The following STK39 variants were observed in gnomAD, a reference collection of about 807,000 sequenced individuals.
STK39 encodes serine/threonine kinase 39, also known as STE20/SPS1-related proline-alanine-rich protein kinase.
Under a neutral mutation model 77.8 loss-of-function variants are expected in STK39, and 20 were observed. That is an observed-to-expected ratio of 0.26 (90% CI 0.18 to 0.37). The LOEUF is 0.37. Ranked by LOEUF, STK39 falls within the 10% of genes least tolerant of loss-of-function variation. The probability of loss-of-function intolerance (pLI) is 1.00; values close to 1 mark genes in which losing one functional copy is unlikely to be tolerated. For missense variants in STK39, 479 were observed against 656.5 expected (o/e 0.73, Z 2.95); for synonymous variants, 246 against 234.1 (o/e 1.05, Z -0.47).
chr2:168,194,352 A>T (rs913295103), intron 1 of STK39, among the ~76,000 whole-genome samples: 4 of 152,156 alleles, frequency 2.6e-5, no homozygotes, highest in South Asian at 2.1e-4. Context: ...CTTGGGTGGC[A>T]GAGGTTGCAG....
chr2:168,164,294 T>C (rs1688645310), intron 3 of STK39, among the ~76,000 whole-genome samples: 1 of 152,226 alleles, frequency 6.6e-6, no homozygotes, highest in Non-Finnish European at 1.5e-5. Flanking sequence ...ACACACTCTT[T>C]GAGGACCTAA....
chr2:168,202,586 T>C (rs1689637797), intron 1 of STK39, among the ~76,000 whole-genome samples: 2 of 152,130 alleles, frequency 1.3e-5, no homozygotes, highest in South Asian at 4.2e-4. Flanking sequence ...CTTCTTGCTT[T>C]CCAAGTGGTC....
chr2:168,053,903 A>G (rs1667472787), intron 14 of STK39, among the ~76,000 whole-genome samples: 1 of 152,226 alleles, frequency 6.6e-6, no homozygotes, highest in Non-Finnish European at 1.5e-5. Flanking sequence ...CAGGAAAGCC[A>G]CTTAACATCT....
intron 14 of STK39, among the ~76,000 whole-genome samples, chr2:168,060,780 T>A (rs967115930): frequency 1.3e-5 from 2 of 152,214 alleles, no homozygotes; most frequent in Admixed American, 1.3e-4. Context: ...AGATGTACAT[T>A]AAAAGGCATT....
At chr2:168,016,905 T>A (rs1684424617) in intron 15 of STK39, 138 bp downstream of exon 15, 7 of 640,442 alleles carry the variant, frequency 1.1e-5, no homozygotes, top group Non-Finnish European at 1.8e-5. Flanking sequence ...TCAAAAGTCC[T>A]TCCTTCTGTC....
chr2:168,203,958 T>C (rs1257800858), intron 1 of STK39, among the ~76,000 whole-genome samples: 3 of 152,168 alleles, frequency 2.0e-5, no homozygotes, highest in Non-Finnish European at 4.4e-5. Flanking sequence ...CACCCTGGAA[T>C]GTGAAACATG....
chr2:168,083,758 C>T (rs1051458492), intron 10 of STK39, among the ~76,000 whole-genome samples: 4 of 151,730 alleles, frequency 2.6e-5, no homozygotes, highest in African/African-American at 9.7e-5. Flanking sequence ...AAGAGCAAGG[C>T]TGGAAAAGTT....
At chr2:167,966,607 C>T (rs901169395) in intron 16 of STK39, among the ~76,000 whole-genome samples, 2 of 152,186 alleles carry the variant, frequency 1.3e-5, no homozygotes, top group East Asian at 1.9e-4. Flanking sequence ...ACCCTCTCTC[C>T]GGTGTACACG....
chr2:167,989,200 CAAT>C (rs1338804020), intron 16 of STK39, among the ~76,000 whole-genome samples: 1 of 152,086 alleles, frequency 6.6e-6, no homozygotes, highest in Non-Finnish European at 1.5e-5. Context: ...ATCCTTTAAG[CAAT>C]AATGCTAGTC....
At chr2:167,972,599 C>A (rs1692379004) in intron 16 of STK39, among the ~76,000 whole-genome samples, 1 of 152,172 alleles carries the variant, frequency 6.6e-6, no homozygotes, top group African/African-American at 2.4e-5. Flanking sequence ...CTCCACGAAC[C>A]ATCTTAAATT....
intron 10 of STK39, among the ~76,000 whole-genome samples, chr2:168,113,436 T>A (rs1687172350): frequency 6.6e-6 from 1 of 152,168 alleles, no homozygotes; most frequent in Admixed American, 6.5e-5. Context: ...CCAGATAAGA[T>A]ACATATTACA....
intron 14 of STK39, among the ~76,000 whole-genome samples, chr2:168,040,201 AAT>A (rs372681832): frequency 6.6e-6 from 1 of 151,290 alleles, no homozygotes. Context: ...ACTGTTGCTC[AAT>A]ATATATATAT....
At chr2:168,045,985 G>A (rs1379718127) in intron 14 of STK39, among the ~76,000 whole-genome samples, 3 of 152,158 alleles carry the variant, frequency 2.0e-5, no homozygotes, top group Non-Finnish European at 4.4e-5. Context: ...AAGGAGGCAA[G>A]GCTGGCATCT....
At chr2:168,117,177 G>T (rs1008798776) in intron 10 of STK39, among the ~76,000 whole-genome samples, 2 of 152,208 alleles carry the variant, frequency 1.3e-5, no homozygotes, top group African/African-American at 4.8e-5. Context: ...CAACAAGTTG[G>T]TGCTAACAAA....
chr2:168,149,685 G>C (rs36053217), intron 5 of STK39, among the ~76,000 whole-genome samples: 2,304 of 152,180 alleles, frequency 0.015, 37 homozygotes, highest in African/African-American at 0.038. Context: ...AAAAGGACTT[G>C]GTAAAAAATT....
intron 1 of STK39, among the ~76,000 whole-genome samples, chr2:168,243,617 G>A (rs1482321735): frequency 1.3e-5 from 2 of 152,142 alleles, no homozygotes; most frequent in Non-Finnish European, 2.9e-5. Context: ...GGAGTCTAGG[G>A]TTTCTCAGAA....
chr2:168,240,598 G>A (rs182677035), intron 1 of STK39, among the ~76,000 whole-genome samples: 28 of 152,362 alleles, frequency 1.8e-4, no homozygotes, highest in Admixed American at 1.8e-3. Flanking sequence ...TGGCCAGCAG[G>A]TTTTGCCCTT....
chr2:168,070,454 TTTTA>T (rs1322260811), intron 12 of STK39, among the ~76,000 whole-genome samples: 1 of 152,184 alleles, frequency 6.6e-6, no homozygotes, highest in African/African-American at 2.4e-5. Context: ...TTTTTTTTTT[TTTTA>T]ATTATACTTT....
At chr2:168,096,799 T>A (rs1023560068) in intron 10 of STK39, among the ~76,000 whole-genome samples, 2 of 152,172 alleles carry the variant, frequency 1.3e-5, no homozygotes, top group Non-Finnish European at 2.9e-5. Flanking sequence ...TTTGAAGTAT[T>A]AATGATATAA....
Sources: gnomAD v4.1 joint callset for allele counts (sites outside exome capture counted in the v4.1 genomes callset) on GRCh38, gnomAD v4.1.1 for gene constraint, MANE v1.5 for transcripts, NCBI Gene and HGNC (gene_info 2026-07-23, HGNC 2026-07-21) for gene names.